The following KCNT1 variants were observed in gnomAD, a reference collection of about 807,000 sequenced individuals.
KCNT1 encodes potassium sodium-activated channel subfamily T member 1.
KCNT1 carries 78 observed loss-of-function variants against 147.8 expected under a neutral mutation model. The observed-to-expected ratio is 0.53, with a 90% CI of 0.44 to 0.64. The LOEUF is 0.64. Ranked by LOEUF, KCNT1 falls within the 30% of genes least tolerant of loss-of-function variation. The probability of loss-of-function intolerance (pLI) is 0.00; values close to 1 mark genes in which losing one functional copy is unlikely to be tolerated. For missense variants in KCNT1, 1,419 were observed against 1,750.3 expected (o/e 0.81, Z 3.38); for synonymous variants, 867 against 748.8 (o/e 1.16, Z -2.58).
chr9:135,712,755 C>T (rs1425672580), intron 1 of KCNT1, among the ~76,000 whole-genome samples: 2 of 152,244 alleles, frequency 1.3e-5, no homozygotes, highest in Non-Finnish European at 2.9e-5. Context: ...CGGCCCTCAG[C>T]CAACACAACA....
At chr9:135,719,124 C>G (rs1455041379) in intron 2 of KCNT1, among the ~76,000 whole-genome samples, 1 of 152,226 alleles carries the variant, frequency 6.6e-6, no homozygotes, top group African/African-American at 2.4e-5. Context: ...GCCCCTCTGC[C>G]TGGGAGTCCA....
intron 1 of KCNT1, among the ~76,000 whole-genome samples, chr9:135,706,888 A>G (rs1564308904): frequency 6.6e-6 from 1 of 152,106 alleles, no homozygotes; most frequent in Non-Finnish European, 1.5e-5. Flanking sequence ...ACGGGCCCCT[A>G]GATGGAGCAG....
intron 14 of KCNT1, 27 bp from the exon 15 acceptor site, chr9:135,768,802 G>A: frequency 6.3e-7 from 1 of 1,597,950 alleles, no homozygotes; most frequent in Non-Finnish European, 8.5e-7. Context: ...CAGCCCGTCT[G>A]CACTGACCAA....
At chr9:135,750,315 G>A (rs558884355) in intron 3 of KCNT1, 138 bp downstream of exon 3, 1 of 666,068 alleles carries the variant, frequency 1.5e-6, no homozygotes, top group South Asian at 1.6e-5. Context: ...TGCTGCGGGG[G>A]CATTTGGAAG....
At chr9:135,748,942 G>GT (rs34750652) in intron 2 of KCNT1, among the ~76,000 whole-genome samples, 1 of 152,080 alleles carries the variant, frequency 6.6e-6, no homozygotes, top group Non-Finnish European at 1.5e-5. Context: ...GGAGGGCACA[G>GT]GGCCATGGCT....
chr9:135,750,946 G>A lies in KCNT1; in HGVS notation c.339G>A (p.Leu113=). Reference sequence around the variant, plus strand: ...AGGCCGCTGCCCTCCCCGCAGGCCTGAGGATCCGGCTGTTCAACTTCTCCC... The same window carrying A: ...AGGCCGCTGCCCTCCCCGCAGGCCTAAGGATCCGGCTGTTCAACTTCTCCC... ...LFFIKNQRSS[L]RIRLFNFSLK... Residue 113 remains leucine, a synonymous_variant, in exon 4 of 31, where the codon CTG becomes CTA. Coordinates refer to ENST00000371757, the MANE Select transcript of KCNT1 (RefSeq NM_020822.3). 1 of 1,613,020 alleles carries A rather than the reference G, an allele frequency of 6.2e-7. No individual in the cohort carries two copies. The highest frequency in any genetic ancestry group is 8.5e-7 in the Non-Finnish European group (1 of 1,179,836).
At position 135,772,932 on chromosome 9, in the gene KCNT1, G is replaced by A. The variant is rs754932579; in HGVS notation, c.2226G>A (p.Glu742=). 2.6e-6 allele frequency: 4 copies of A among 1,512,368 alleles called. No homozygotes were observed. The South Asian group carries it at 3.9e-5, about 15-fold the overall frequency. 93.7% of individuals were successfully genotyped at this position (1,512,368 alleles called of 1,614,324 possible). A position where few individuals can be genotyped will look rare whatever the true frequency, so the allele number is the denominator to read the frequency against. Residue 742 remains glutamate, a synonymous_variant, in exon 19 of 31, where the codon GAG becomes GAA. Coordinates refer to ENST00000371757, the MANE Select transcript of KCNT1 (RefSeq NM_020822.3). ...SEDEVTPSDD[E]GLSVVEYVKG... ...ATGAGGTGACGCCGTCGGACGACGA[G>A]GGGCTCTCCGTGGTAGAGTGAGTGC...
At chr9:135,782,491 G>A (rs2131563563) in intron 24 of KCNT1, among the ~76,000 whole-genome samples, 1 of 152,334 alleles carries the variant, frequency 6.6e-6, no homozygotes. Context: ...CACGGTGCCT[G>A]TCCTGCTCCC....
chr9:135,785,777 CAA>C (rs1491156136), intron 28 of KCNT1: 5 of 428,908 alleles, frequency 1.2e-5, no homozygotes. Context: ...GGTGTGTTTG[CAA>C]GAGGGATCAG....
chr9:135,721,448 A>G (rs920244298), intron 2 of KCNT1, among the ~76,000 whole-genome samples: 2 of 152,144 alleles, frequency 1.3e-5, no homozygotes, highest in African/African-American at 2.4e-5. Flanking sequence ...GCAAACACCC[A>G]CAGGCTTGGG....
At chr9:135,731,259 G>C (rs751667093) in intron 2 of KCNT1, among the ~76,000 whole-genome samples, 5 of 152,146 alleles carry the variant, frequency 3.3e-5, no homozygotes, top group Non-Finnish European at 7.3e-5. Flanking sequence ...CATTCTCTGG[G>C]GATGGGTCTT....
intron 29 of KCNT1, chr9:135,790,028 C>T (rs998730537): frequency 3.9e-5 from 6 of 152,360 alleles, no homozygotes; most frequent in South Asian, 2.1e-4. Context: ...ACACAAAGCC[C>T]AGCCTGGCTC....
intron 23 of KCNT1, 74 bp downstream of exon 23, chr9:135,778,896 C>T (rs1833376919): frequency 6.4e-7 from 1 of 1,566,504 alleles, no homozygotes; most frequent in African/African-American, 1.4e-5. Context: ...CTGAGACCCC[C>T]ACAGCCACGA....
At chr9:135,775,606 C>T (rs137857059) in intron 20 of KCNT1, among the ~76,000 whole-genome samples, 191 bp downstream of exon 20, 201 of 152,368 alleles carry the variant, frequency 1.3e-3, no homozygotes, top group Admixed American at 3.3e-3. Context: ...CTTCCTGTCC[C>T]GTTTGGGCTC....
chr9:135,750,925 C>T lies in KCNT1; in HGVS notation c.335-17C>T, dbSNP rs764048972. Reference sequence around the variant, plus strand: ...CAGAGCTGGGTCAGAGCCCTGAGGCCGCTGCCCTCCCCGCAGGCCTGAGGA... The same window carrying T: ...CAGAGCTGGGTCAGAGCCCTGAGGCTGCTGCCCTCCCCGCAGGCCTGAGGA... On this transcript the variant is annotated splice_polypyrimidine_tract_variant and intron_variant, in intron 3 of 30. Transcript: ENST00000371757. 22 of 1,611,150 alleles carry T rather than the reference C, an allele frequency of 1.4e-5. No individual in the cohort carries two copies. In the Middle Eastern group the frequency reaches 5.0e-4, roughly 36 times the overall value.
At chr9:135,704,650 C>T (rs1460704609) in intron 1 of KCNT1, among the ~76,000 whole-genome samples, 1 of 152,238 alleles carries the variant, frequency 6.6e-6, no homozygotes, top group East Asian at 1.9e-4. Context: ...CCTGCCAGGC[C>T]TTTCCTGGAA....
chr9:135,738,084 A>G (rs1455630743), intron 2 of KCNT1, among the ~76,000 whole-genome samples: 1 of 152,146 alleles, frequency 6.6e-6, no homozygotes, highest in Non-Finnish European at 1.5e-5. Context: ...CTGTTCCTGC[A>G]GGGCCCATAG....
At chr9:135,763,645 G>GC (rs1832063176) in intron 11 of KCNT1, among the ~76,000 whole-genome samples, 1 of 151,998 alleles carries the variant, frequency 6.6e-6, no homozygotes, top group Non-Finnish European at 1.5e-5. Flanking sequence ...CTCAGCCTCT[G>GC]CCCCGTGTGC....
At chr9:135,721,047 C>T (rs1377171120) in intron 2 of KCNT1, among the ~76,000 whole-genome samples, 2 of 152,146 alleles carry the variant, frequency 1.3e-5, no homozygotes, top group Admixed American at 6.5e-5. Flanking sequence ...CGTGAAGGTT[C>T]GAGGAGGAGT....
Sources: gnomAD v4.1 joint callset for allele counts (sites outside exome capture counted in the v4.1 genomes callset) on GRCh38, gnomAD v4.1.1 for gene constraint, MANE v1.5 for transcripts, NCBI Gene and HGNC (gene_info 2026-07-23, HGNC 2026-07-21) for gene names.